TLE1: variants seen among roughly 807,000 people sequenced by gnomAD.
The protein encoded by TLE1 is transducin-like enhancer protein 1.
In TLE1, 21 loss-of-function variants were observed where a neutral mutation model predicts 89.8. That is an observed-to-expected ratio of 0.23 (90% CI 0.17 to 0.34). TLE1 has a LOEUF of 0.34. TLE1 is among the 10% of genes least tolerant of loss of function. The probability of loss-of-function intolerance (pLI) is 1.00; values close to 1 mark genes in which losing one functional copy is unlikely to be tolerated. For missense variants in TLE1, 795 were observed against 1,031.2 expected (o/e 0.77, Z 3.14); for synonymous variants, 447 against 407.6 (o/e 1.10, Z -1.16).
chr9:81,688,431 C>G lies in TLE1; in HGVS notation c.-191G>C. On this transcript the variant is annotated 5_prime_UTR_variant, in exon 1 of 20. Transcript: ENST00000376499. The stretch of plus-strand genomic sequence containing the variant: ...CAGCTGCTCCGGCTCCCGCTCCCGT[C>G]GGTGCGGGCTCCGGCCCTCAGGGCC... The G allele has an allele frequency of 5.4e-6, 3 of 555,712 alleles. No individual in the cohort carries two copies. In the South Asian group the frequency reaches 1.0e-4, roughly 19 times the overall value. 34.4% of individuals were successfully genotyped at this position (555,712 alleles called of 1,614,324 possible).
At position 81,688,573 on chromosome 9, in the gene TLE1, G is replaced by T; in HGVS notation, c.-333C>A. The T allele has an allele frequency of 3.5e-6, 1 of 289,354 alleles. No homozygotes were observed. The highest frequency in any genetic ancestry group is 6.3e-6 in the Non-Finnish European group (1 of 157,784). 17.9% of individuals were successfully genotyped at this position (289,354 alleles called of 1,614,324 possible). A position where few individuals can be genotyped will look rare whatever the true frequency, so the allele number is the denominator to read the frequency against. ...CCCCGGCCTCAGCTGCCCGGGCGGG[G>T]AGGCGGGGGCGCGGTGACTCCGACC... On this transcript the variant is annotated 5_prime_UTR_variant, in exon 1 of 20. Transcript: ENST00000376499.
chr9:81,678,755 C>T (rs116675276), intron 4 of TLE1, among the ~76,000 whole-genome samples: 2,650 of 152,098 alleles, frequency 0.017, 87 homozygotes, highest in African/African-American at 0.06. Flanking sequence ...CCTGTAATCC[C>T]GGCTACTCAG....
At chr9:81,681,646 G>A (rs1437331742) in intron 4 of TLE1, among the ~76,000 whole-genome samples, 1 of 152,048 alleles carries the variant, frequency 6.6e-6, no homozygotes. Flanking sequence ...CAAAGTGACT[G>A]ATCAAACTCC....
rs183143752 is a variant in TLE1, at chr9:81,654,515, C to G, written c.235-479G>C. On this transcript the variant is annotated intron_variant, in intron 4 of 19. Coordinates refer to ENST00000376499, the MANE Select transcript of TLE1 (RefSeq NM_005077.5). ...GCCACCACTCCCGGCTAATTTTTTT[C>G]TATTTTTAGTAGAGGTGGGGTTTCA... is the stretch of plus-strand genomic sequence containing the variant. Among the ~76,000 whole-genome samples the G allele has an allele frequency of 2.5e-3, 385 of 152,102 alleles. 3 individuals carry two copies. The highest frequency in any genetic ancestry group is 8.7e-3 in the African/African-American group (363 of 41,506).
intron 11 of TLE1, among the ~76,000 whole-genome samples, chr9:81,615,732 A>G (rs1824420493): frequency 6.6e-6 from 1 of 150,796 alleles, no homozygotes; most frequent in South Asian, 2.1e-4. Flanking sequence ...AAAAAAAAGA[A>G]GAAGAAGAAG....
At chr9:81,596,740 G>A (rs1830273712) in intron 14 of TLE1, among the ~76,000 whole-genome samples, 1 of 152,186 alleles carries the variant, frequency 6.6e-6, no homozygotes, top group East Asian at 1.9e-4. Flanking sequence ...TTCATCTGCA[G>A]TATTGAAAGT....
Position 81,668,293 on chromosome 9 carries a change from A to G in TLE1, c.235-14257T>C, listed in dbSNP as rs893171429. Among the ~76,000 whole-genome samples the G allele has an allele frequency of 2.6e-5, 4 of 152,142 alleles. No homozygotes were observed. In the East Asian group the frequency reaches 7.7e-4, roughly 29 times the overall value. On this transcript the variant is annotated intron_variant, in intron 4 of 19. Coordinates refer to ENST00000376499, the MANE Select transcript of TLE1 (RefSeq NM_005077.5). ...GAACAGTTAACAGTCAAGAAGTTTT[A>G]TTTTCTCAAAAGCATTTTAGTCACG... is the stretch of plus-strand genomic sequence containing the variant.
chr9:81,659,122 T>C (rs1163391464), intron 4 of TLE1, among the ~76,000 whole-genome samples: 2 of 152,232 alleles, frequency 1.3e-5, no homozygotes, highest in Admixed American at 6.5e-5. Context: ...TTGGCCAGGA[T>C]GGTCTCGATC....
chr9:81,620,198 G>A (rs1825057607), intron 9 of TLE1, among the ~76,000 whole-genome samples: 1 of 152,156 alleles, frequency 6.6e-6, no homozygotes, highest in Non-Finnish European at 1.5e-5. Context: ...CACAAAGTCA[G>A]CCCTGCATTT....
chr9:81,642,484 G>A (rs954776441), intron 6 of TLE1, among the ~76,000 whole-genome samples: 30 of 151,858 alleles, frequency 2.0e-4, no homozygotes, highest in Admixed American at 1.6e-3. Flanking sequence ...CTGAGGTCAG[G>A]AGTTCGAGAC....
chr9:81,604,758 C>A (rs1192764998), intron 14 of TLE1, among the ~76,000 whole-genome samples: 2 of 152,110 alleles, frequency 1.3e-5, no homozygotes, highest in Admixed American at 6.5e-5. Flanking sequence ...ACTCAGGAGG[C>A]ACTCATCCAC....
chr9:81,609,209 C>T (rs1470071520), intron 14 of TLE1, among the ~76,000 whole-genome samples: 1 of 151,978 alleles, frequency 6.6e-6, no homozygotes, highest in African/African-American at 2.4e-5. Context: ...CTCAGCCTCC[C>T]GAGTAGCTGG....
At chr9:81,678,272 G>T (rs1329599277) in intron 4 of TLE1, among the ~76,000 whole-genome samples, 1 of 152,110 alleles carries the variant, frequency 6.6e-6, no homozygotes, top group Non-Finnish European at 1.5e-5. Context: ...ACAGAGGTGT[G>T]ATCACAGCTC....
chr9:81,637,088 T>C (rs1009967484), intron 6 of TLE1, among the ~76,000 whole-genome samples: 1 of 151,554 alleles, frequency 6.6e-6, no homozygotes, highest in Non-Finnish European at 1.5e-5. Flanking sequence ...CTGGGGAAGG[T>C]GGGTCATGCC....
chr9:81,661,756 TC>T (rs201465652), intron 4 of TLE1, among the ~76,000 whole-genome samples: 40 of 140,932 alleles, frequency 2.8e-4, no homozygotes, highest in South Asian at 4.6e-4. Flanking sequence ...CAACCTTAAA[TC>T]CCCCCCCCAA....
At chr9:81,684,563 A>G (rs554169965) in intron 4 of TLE1, among the ~76,000 whole-genome samples, 11 of 152,226 alleles carry the variant, frequency 7.2e-5, no homozygotes, top group Non-Finnish European at 1.3e-4. Context: ...AAGTCTTTGA[A>G]TATAAGGAAG....
chr9:81,631,619 G>A (rs1826618344), intron 8 of TLE1, among the ~76,000 whole-genome samples: 1 of 152,188 alleles, frequency 6.6e-6, no homozygotes. Flanking sequence ...TGCACTCAAT[G>A]AACATAGCCA....
At chr9:81,630,273 C>T (rs980321183) in intron 8 of TLE1, among the ~76,000 whole-genome samples, 1 of 152,110 alleles carries the variant, frequency 6.6e-6, no homozygotes, top group African/African-American at 2.4e-5. Context: ...CAACTAAATA[C>T]CACAAAAGAG....
chr9:81,652,470 C>T (rs1021367261), intron 5 of TLE1, among the ~76,000 whole-genome samples, 182 bp from the exon 6 acceptor site: 9 of 152,074 alleles, frequency 5.9e-5, no homozygotes, highest in Non-Finnish European at 7.4e-5. Context: ...CTGAGAATGG[C>T]GCTGCCCTTT....
Sources: allele counts gnomAD v4.1 joint callset (sites outside exome capture counted in the v4.1 genomes callset), GRCh38; gene constraint gnomAD v4.1.1; transcripts MANE v1.5; gene names NCBI Gene and HGNC (gene_info 2026-07-23, HGNC 2026-07-21).